Variants in GALNT17 observed in about 807,000 individuals in gnomAD.
GALNT17 encodes the protein UDP-GalNAc:polypeptide N-acetylgalactosaminyltransferase-like 3.
A neutral mutation model predicts 63.7 loss-of-function variants in GALNT17; 29 were observed. The observed-to-expected ratio is 0.46, with a 90% CI of 0.34 to 0.62. The LOEUF is 0.62. Ranked by LOEUF, GALNT17 falls within the 20% of genes least tolerant of loss-of-function variation. The probability of loss-of-function intolerance (pLI) is 0.01; values close to 1 mark genes in which losing one functional copy is unlikely to be tolerated. For synonymous variants in GALNT17, 305 were observed against 318.3 expected, an observed-to-expected ratio of 0.96 and a Z score of 0.45; for missense variants, 603 against 799.6, an observed-to-expected ratio of 0.75 and a Z score of 2.97.
At chr7:71,309,745 T>C (rs1165114528) in intron 1 of GALNT17, among the ~76,000 whole-genome samples, 1 of 152,216 alleles carries the variant, frequency 6.6e-6, no homozygotes, top group Admixed American at 6.5e-5. Context: ...TTTGGGGTCA[T>C]GTAAATACAA....
intron 2 of GALNT17, among the ~76,000 whole-genome samples, chr7:71,386,787 C>T (rs1563055160): frequency 6.6e-6 from 1 of 152,176 alleles, no homozygotes; most frequent in South Asian, 2.1e-4. Context: ...CGAAGAAGAG[C>T]TGGTGTGCCT....
chr7:71,204,147 A>T (rs900894503), intron 1 of GALNT17, among the ~76,000 whole-genome samples: 1 of 152,108 alleles, frequency 6.6e-6, no homozygotes, highest in African/African-American at 2.4e-5. Context: ...AACACCATTT[A>T]TTAGAGACTG....
At chr7:71,388,634 C>T (rs1253577768) in intron 3 of GALNT17, among the ~76,000 whole-genome samples, 1 of 151,782 alleles carries the variant, frequency 6.6e-6, no homozygotes, top group Non-Finnish European at 1.5e-5. Context: ...TCAAGCGATT[C>T]TCCTACCTCA....
intron 5 of GALNT17, among the ~76,000 whole-genome samples, chr7:71,438,860 A>T (rs914474209): frequency 3.3e-5 from 5 of 150,808 alleles, no homozygotes; most frequent in Non-Finnish European, 5.9e-5. Context: ...CACATGACAG[A>T]CTCTGGTCGC....
intron 5 of GALNT17, among the ~76,000 whole-genome samples, chr7:71,447,088 C>T (rs1295959488): frequency 6.6e-6 from 1 of 152,310 alleles, no homozygotes; most frequent in African/African-American, 2.4e-5. Flanking sequence ...ATTCTCAACA[C>T]TGGGTTTCCT....
intron 1 of GALNT17, among the ~76,000 whole-genome samples, chr7:71,332,882 T>C (rs1211939256): frequency 6.6e-6 from 1 of 152,086 alleles, no homozygotes; most frequent in East Asian, 1.9e-4. Context: ...AGAGACGGGA[T>C]TCATCATGTT....
chr7:71,342,156 A>G (rs950198822), intron 2 of GALNT17, among the ~76,000 whole-genome samples: 14 of 152,176 alleles, frequency 9.2e-5, no homozygotes, highest in African/African-American at 3.1e-4. Flanking sequence ...TAATTGGCTC[A>G]CTTTTCTGCA....
chr7:71,707,972 G>A (rs949445053), intron 9 of GALNT17, among the ~76,000 whole-genome samples: 39 of 152,264 alleles, frequency 2.6e-4, no homozygotes, highest in South Asian at 1.2e-3. Flanking sequence ...AAGGAATAGC[G>A]GAGGATGTGG....
chr7:71,516,965 G>C (rs1788455265), intron 5 of GALNT17, among the ~76,000 whole-genome samples: 1 of 152,124 alleles, frequency 6.6e-6, no homozygotes, highest in African/African-American at 2.4e-5. Flanking sequence ...GAGCCACCTG[G>C]GATAAATGTC....
intron 1 of GALNT17, among the ~76,000 whole-genome samples, chr7:71,283,122 C>G (rs148129846): frequency 6.9e-6 from 1 of 145,236 alleles, no homozygotes; most frequent in African/African-American, 2.6e-5. Flanking sequence ...ACCTCAAACT[C>G]CTAGGGTCAA....
chr7:71,617,884 C>T (rs6460678), intron 6 of GALNT17, among the ~76,000 whole-genome samples: 38,435 of 151,676 alleles, frequency 0.25, 5,168 homozygotes, highest in Non-Finnish European at 0.29. Flanking sequence ...TGACCTCAGG[C>T]GATCCACCCA....
At chr7:71,281,925 A>G (rs1297414538) in intron 1 of GALNT17, among the ~76,000 whole-genome samples, 4 of 152,134 alleles carry the variant, frequency 2.6e-5, no homozygotes, top group Non-Finnish European at 2.9e-5. Context: ...GCTGGAGACA[A>G]TTCTCTTCTG....
chr7:71,681,952 A>T (rs1012618305), intron 9 of GALNT17, among the ~76,000 whole-genome samples: 1 of 151,932 alleles, frequency 6.6e-6, no homozygotes, highest in Non-Finnish European at 1.5e-5. Flanking sequence ...TTTCAGACAG[A>T]GTCTCGCTCT....
intron 3 of GALNT17, among the ~76,000 whole-genome samples, chr7:71,403,158 A>C (rs1300951965): frequency 6.6e-6 from 1 of 152,234 alleles, no homozygotes; most frequent in Non-Finnish European, 1.5e-5. Context: ...AGCTTCAGCC[A>C]CTAACTGGCT....
chr7:71,520,162 T>TG (rs1475579268), intron 5 of GALNT17, among the ~76,000 whole-genome samples: 1 of 152,096 alleles, frequency 6.6e-6, no homozygotes, highest in Non-Finnish European at 1.5e-5. Flanking sequence ...TGGCGTCTCA[T>TG]GGGGGCCTAG....
intron 1 of GALNT17, among the ~76,000 whole-genome samples, chr7:71,173,660 C>G (rs1405727833): frequency 6.6e-6 from 1 of 152,122 alleles, no homozygotes; most frequent in African/African-American, 2.4e-5. Flanking sequence ...GTAATCCCAG[C>G]TACTCAGGAG....
At chr7:71,158,007 T>C (rs1414192354) in intron 1 of GALNT17, among the ~76,000 whole-genome samples, 1 of 151,858 alleles carries the variant, frequency 6.6e-6, no homozygotes, top group Non-Finnish European at 1.5e-5. Context: ...TATGACATAT[T>C]TTCATTATCC....
intron 5 of GALNT17, among the ~76,000 whole-genome samples, chr7:71,559,914 G>A (rs931675563): frequency 1.2e-4 from 18 of 150,924 alleles, no homozygotes; most frequent in Admixed American, 1.2e-3. Flanking sequence ...AAAAAAATCA[G>A]CCAGGCGCGG....
intron 9 of GALNT17, among the ~76,000 whole-genome samples, chr7:71,697,818 G>T (rs906451823): frequency 6.6e-6 from 1 of 151,828 alleles, no homozygotes; most frequent in Non-Finnish European, 1.5e-5. Context: ...TTTTTTCTAG[G>T]CTCATAAGAA....
Sources: gnomAD v4.1 joint callset for allele counts (sites outside exome capture counted in the v4.1 genomes callset) on GRCh38, gnomAD v4.1.1 for gene constraint, MANE v1.5 for transcripts, NCBI Gene and HGNC (gene_info 2026-07-23, HGNC 2026-07-21) for gene names.